The following LGSN variants were observed in gnomAD, a reference collection of about 807,000 sequenced individuals.
LGSN encodes the protein lengsin.
A neutral mutation model predicts 19.5 loss-of-function variants in LGSN; 21 were observed. The ratio of observed to expected loss-of-function variants is 1.07; its 90% confidence interval spans 0.76 to 1.55. LGSN has a LOEUF of 1.55. LGSN is among the 40% of genes most tolerant of loss of function. The pLI is 0.00. For missense variants in LGSN, 673 were observed against 608.5 expected (o/e 1.11, Z -1.12); for synonymous variants, 257 against 215.6 (o/e 1.19, Z -1.68).
the LGSN span, among the ~76,000 whole-genome samples, chr6:63,491,312 G>A: frequency 1.3e-5 from 2 of 152,114 alleles, no homozygotes; most frequent in Admixed American, 6.5e-5. Flanking sequence ...ATCCAAAAAT[G>A]CCAAAATTGG....
chr6:63,349,624 G>A, the LGSN span, among the ~76,000 whole-genome samples: 2 of 152,164 alleles, frequency 1.3e-5, no homozygotes, highest in Non-Finnish European at 2.9e-5. Flanking sequence ...TTTCCACCAC[G>A]GGCTTTGAAG....
the LGSN span, among the ~76,000 whole-genome samples, chr6:63,399,149 C>A: frequency 6.6e-6 from 1 of 151,974 alleles, no homozygotes; most frequent in Non-Finnish European, 1.5e-5. Flanking sequence ...TACTGTACCT[C>A]TTCTATGTTT....
chr6:63,405,041 T>C, the LGSN span, among the ~76,000 whole-genome samples: 1 of 145,204 alleles, frequency 6.9e-6, no homozygotes, highest in Non-Finnish European at 1.5e-5. Context: ...CACCTATGAG[T>C]GAGAATATGT....
the LGSN span, among the ~76,000 whole-genome samples, chr6:63,332,643 G>A: frequency 6.6e-6 from 1 of 152,184 alleles, no homozygotes; most frequent in South Asian, 2.1e-4. Context: ...GGCCGCGCTA[G>A]TCGCTTTCCA....
chr6:63,299,556 T>TAAC (rs2127390129), intron 1 of LGSN, among the ~76,000 whole-genome samples: 1 of 152,324 alleles, frequency 6.6e-6, no homozygotes, highest in Admixed American at 6.5e-5. Context: ...GTTTTCTAGC[T>TAAC]AACAATTGCT....
the LGSN span, among the ~76,000 whole-genome samples, chr6:63,565,289 A>G: frequency 6.6e-6 from 1 of 152,128 alleles, no homozygotes. Flanking sequence ...ATTAAGCGGC[A>G]GAGTTACTAA....
At chr6:63,482,295 G>A in the LGSN span, among the ~76,000 whole-genome samples, 1 of 152,066 alleles carries the variant, frequency 6.6e-6, no homozygotes, top group African/African-American at 2.4e-5. Context: ...CTGGCACATG[G>A]TAGGCAGCCA....
At chr6:63,298,677 A>G (rs1363986023) in intron 1 of LGSN, among the ~76,000 whole-genome samples, 2 of 152,188 alleles carry the variant, frequency 1.3e-5, no homozygotes, top group Non-Finnish European at 2.9e-5. Context: ...ATTAGGTCCC[A>G]CAAGCTGCAA....
At chr6:63,456,371 A>ACTTTTTTTTTTTT in the LGSN span, among the ~76,000 whole-genome samples, 1 of 113,620 alleles carries the variant, frequency 8.8e-6, no homozygotes, top group Non-Finnish European at 1.9e-5. Context: ...ATATATATAT[A>ACTTTTTTTTTTTT]TATATATATA....
At chr6:63,431,492 T>C in the LGSN span, among the ~76,000 whole-genome samples, 12 of 152,300 alleles carry the variant, frequency 7.9e-5, no homozygotes, top group Non-Finnish European at 1.5e-4. Context: ...GTTAAGAGCA[T>C]GAGTTTTGAA....
the LGSN span, among the ~76,000 whole-genome samples, chr6:63,348,034 G>GA: frequency 2.0e-5 from 3 of 151,768 alleles, no homozygotes; most frequent in African/African-American, 7.3e-5. Flanking sequence ...CTCCAAGTAA[G>GA]AAAAAAACAA....
chr6:63,535,412 G>T, the LGSN span, among the ~76,000 whole-genome samples: 1 of 152,066 alleles, frequency 6.6e-6, no homozygotes, highest in South Asian at 2.1e-4. Context: ...AGGTTGCAGT[G>T]ACCCGAGATT....
the LGSN span, among the ~76,000 whole-genome samples, chr6:63,351,385 G>A: frequency 6.6e-6 from 1 of 152,052 alleles, no homozygotes; most frequent in East Asian, 1.9e-4. Context: ...GTGTGTGTGT[G>A]TGTATGTGTG....
chr6:63,317,035 T>A (rs1768895433), intron 1 of LGSN, among the ~76,000 whole-genome samples: 1 of 152,258 alleles, frequency 6.6e-6, no homozygotes, highest in Non-Finnish European at 1.5e-5. Flanking sequence ...TGGATGGATA[T>A]ATGTTTATGT....
intron 2 of LGSN, among the ~76,000 whole-genome samples, chr6:63,288,530 C>CGT (rs1767637819): frequency 6.6e-6 from 1 of 151,644 alleles, no homozygotes; most frequent in Non-Finnish European, 1.5e-5. Flanking sequence ...ATGGACAGCT[C>CGT]TAACCCTTGA....
the LGSN span, among the ~76,000 whole-genome samples, chr6:63,427,022 C>T: frequency 6.6e-6 from 1 of 151,720 alleles, no homozygotes; most frequent in Non-Finnish European, 1.5e-5. Context: ...ATGACTGACA[C>T]CCGGAAATTT....
In LGSN at chr6:63,280,250, C is replaced by T; in HGVS notation, c.1301G>A (p.Ser434Asn). The T allele has an allele frequency of 6.2e-7, 1 of 1,614,230 alleles. No homozygotes were observed. The highest frequency in any genetic ancestry group is 8.5e-7 in the Non-Finnish European group (1 of 1,180,048). Residue 434 changes from serine to asparagine, a missense_variant, in exon 4 of 4, where the codon AGT (serine) becomes AAT (asparagine). Coordinates refer to ENST00000370657, the MANE Select transcript of LGSN (RefSeq NM_016571.3). The stretch of plus-strand genomic sequence containing the variant: ...ATCTGGACCAGCCAAGACCTCATTA[C>T]TGCTATGAAGTCCATCTAAGCCGGC... ...VAAGLDGLHS[S>N]NEVLAGPDES...
At chr6:63,348,408 C>G in the LGSN span, among the ~76,000 whole-genome samples, 1 of 151,032 alleles carries the variant, frequency 6.6e-6, no homozygotes. Context: ...GAGCCGAGAT[C>G]ACACCACTGC....
chr6:63,536,538 C>T, the LGSN span, among the ~76,000 whole-genome samples: 3 of 152,104 alleles, frequency 2.0e-5, no homozygotes, highest in African/African-American at 7.2e-5. Context: ...CAGGAATTTT[C>T]GTGGGGAACA....
Sources: allele counts gnomAD v4.1 joint callset (sites outside exome capture counted in the v4.1 genomes callset), GRCh38; gene constraint gnomAD v4.1.1; transcripts MANE v1.5; gene names NCBI Gene and HGNC (gene_info 2026-07-23, HGNC 2026-07-21).